The following ESCO1 variants were observed in gnomAD, a reference collection of about 807,000 sequenced individuals.
ESCO1 encodes the protein establishment of sister chromatid cohesion N-acetyltransferase 1.
A neutral mutation model predicts 83.5 loss-of-function variants in ESCO1; 33 were observed. The observed-to-expected ratio is 0.40, with a 90% CI of 0.30 to 0.53. The LOEUF (loss-of-function observed/expected upper bound fraction) is 0.53, where lower values mean the gene tolerates loss of function less well. Ranked by LOEUF, ESCO1 falls within the 20% of genes least tolerant of loss-of-function variation. The pLI is 0.63. For missense variants in ESCO1, 855 were observed against 968.0 expected, an observed-to-expected ratio of 0.88 and a Z score of 1.55; for synonymous variants, 332 against 324.3, an observed-to-expected ratio of 1.02 and a Z score of -0.25.
At chr18:21,580,832 A>G (rs538862180) in intron 2 of ESCO1, among the ~76,000 whole-genome samples, 29 of 152,132 alleles carry the variant, frequency 1.9e-4, no homozygotes, top group South Asian at 1.0e-3. Context: ...CTCTACTAAA[A>G]ATACAAAATT....
chr18:21,583,503 GTGT>G (rs1218290389), intron 2 of ESCO1, among the ~76,000 whole-genome samples: 1 of 151,792 alleles, frequency 6.6e-6, no homozygotes, highest in African/African-American at 2.4e-5. Flanking sequence ...AATTAGCCAG[GTGT>G]GGTGGCATGT....
In ESCO1 at chr18:21,556,986, C is replaced by T. The variant is rs183547055; in HGVS notation, c.1953+3873G>A. On this transcript the variant is annotated intron_variant, in intron 8 of 11. Transcript: ENST00000269214. ...AAGTGCTGGGATTACAGGCATGAGCCACTGACCGGTATTGTCGACTCTTTC... is the reference window on the plus strand; with the variant it reads ...AAGTGCTGGGATTACAGGCATGAGCTACTGACCGGTATTGTCGACTCTTTC... 3.9e-5 allele frequency among the ~76,000 whole-genome samples: 6 copies of T among 152,304 alleles called. No homozygotes were observed. The East Asian group carries it at 9.6e-4, about 24-fold the overall frequency.
At position 21,564,685 on chromosome 18, in the gene ESCO1, C is replaced by T. The variant is rs376441317; in HGVS notation, c.1707-368G>A. ...TGCTGGGATTACAGGCGTGAGCCAC[C>T]GCGCCCGGCAAAAATAACTTATTTT... On this transcript the variant is annotated intron_variant, in intron 6 of 11. Transcript: ENST00000269214. Among the ~76,000 whole-genome samples, 559 of 151,936 alleles carry T rather than the reference C, an allele frequency of 3.7e-3. 2 individuals carry two copies. Among genetic ancestry groups the T allele is most frequent in the Non-Finnish European group, 6.1e-3 (416 of 67,946 alleles).
chr18:21,590,017 C>T (rs867954981), intron 1 of ESCO1, among the ~76,000 whole-genome samples: 31 of 150,170 alleles, frequency 2.1e-4, no homozygotes, highest in African/African-American at 2.9e-4. Flanking sequence ...TTAGTAGAGA[C>T]GGGGTTTCAC....
chr18:21,548,892 C>T (rs982646529), intron 8 of ESCO1, among the ~76,000 whole-genome samples: 2 of 151,088 alleles, frequency 1.3e-5, no homozygotes, highest in African/African-American at 2.4e-5. Flanking sequence ...GTGAGCTCAT[C>T]GCACCACCGC....
Position 21,564,516 on chromosome 18 carries a change from G to A in ESCO1, c.1707-199C>T, listed in dbSNP as rs547409026. Among the ~76,000 whole-genome samples, 114 of 151,306 alleles carry A rather than the reference G, an allele frequency of 7.5e-4. 1 individual carries two copies. The highest frequency in any genetic ancestry group is 6.8e-3 in the Middle Eastern group (2 of 294). ...TGCCATTCTCCTGCCTCAGCCTCCT[G>A]AGTAGCTGGGACTACAGGTGCCAGC... On this transcript the variant is annotated intron_variant, in intron 6 of 11. Coordinates refer to ENST00000269214, the MANE Select transcript of ESCO1 (RefSeq NM_052911.3).
chr18:21,534,451 T>C (rs1261720002), intron 10 of ESCO1, among the ~76,000 whole-genome samples: 1 of 152,152 alleles, frequency 6.6e-6, no homozygotes, highest in Non-Finnish European at 1.5e-5. Context: ...AAAGTGAGCA[T>C]TATTAGGGAG....
intron 1 of ESCO1, among the ~76,000 whole-genome samples, chr18:21,592,368 G>A (rs1248112841): frequency 4.4e-5 from 2 of 45,976 alleles, no homozygotes; most frequent in Admixed American, 2.3e-4. Context: ...GCGGCTGGCC[G>A]GGCGGGGGAC....
chr18:21,575,667 C>T lies in ESCO1; in HGVS notation c.-588+5G>A. The T allele has an allele frequency of 2.5e-6, 1 of 398,350 alleles. No individual in the cohort carries two copies. The allele number at this position is 398,350 out of a possible 1,614,324, so 24.7% of individuals were successfully genotyped here. ...AAATCAGTGTATTCCTTGAGGTTTA[C>T]TTACAGTTTTTGCCCCAAAATATAG... On this transcript the variant is annotated splice_donor_5th_base_variant and intron_variant, in intron 3 of 11. Coordinates refer to ENST00000269214, the MANE Select transcript of ESCO1 (RefSeq NM_052911.3).
intron 6 of ESCO1, 141 bp downstream of exon 6, chr18:21,566,005 T>C (rs916459168): frequency 1.2e-5 from 8 of 677,060 alleles, no homozygotes; most frequent in African/African-American, 1.8e-5. Flanking sequence ...ACAGTATGTA[T>C]AGGCATAGAA....
At chr18:21,543,396 G>T (rs1405338750) in intron 8 of ESCO1, among the ~76,000 whole-genome samples, 6 of 152,156 alleles carry the variant, frequency 3.9e-5, no homozygotes, top group Non-Finnish European at 5.9e-5. Flanking sequence ...GACCTCAGGT[G>T]ATCCGCCAGC....
rs763500831 is a variant in ESCO1, at chr18:21,560,878, A to G, written c.1934T>C (p.Ile645Thr). 4.4e-6 allele frequency: 7 copies of G among 1,604,070 alleles called. No homozygotes were observed. Among genetic ancestry groups the G allele is most frequent in the Non-Finnish European group, 5.9e-6 (7 of 1,176,852 alleles). Residue 645 changes from isoleucine to threonine, a missense_variant, in exon 8 of 12, where the codon ATA (isoleucine) becomes ACA (threonine). Physicochemically the swap from Ile to Thr is moderately conservative, Grantham distance 89. This residue lies in a region of ESCO1 where 129 missense variants were observed against 268.5 expected (regional missense o/e 0.48). Coordinates refer to ENST00000269214, the MANE Select transcript of ESCO1 (RefSeq NM_052911.3). ...ACTTACCACATATTTAACAGCACTT[A>G]TAAACTGGTTGTGGAAAAGCAGATG... Reference protein sequence around the residue: ...TQHLLFHNQFISAVKYVGWKK... With the variant: ...TQHLLFHNQFTSAVKYVGWKK...
intron 4 of ESCO1, among the ~76,000 whole-genome samples, chr18:21,570,820 A>G (rs949515070): frequency 1.3e-5 from 2 of 152,090 alleles, no homozygotes; most frequent in African/African-American, 4.8e-5. Context: ...TACTAAAAAC[A>G]CAAAAAATTA....
chr18:21,573,366 T>C lies in ESCO1; in HGVS notation c.1478A>G (p.Asp493Gly). 1 of 1,598,314 alleles carries C rather than the reference T, an allele frequency of 6.3e-7. No individual in the cohort carries two copies. Among genetic ancestry groups the C allele is most frequent in the Middle Eastern group, 1.7e-4 (1 of 5,940 alleles). ...TTTCATCTGATTATCCAATGGTGGG[T>C]CAGAAGGTTTTATCTCATTGGCCAA... ...CHLANEIKPS[D>G]PPLDNQMKHS... Residue 493 changes from aspartate to glycine, a missense_variant, in exon 4 of 12, where the codon GAC (aspartate) becomes GGC (glycine). By Grantham distance (94) the Asp-to-Gly change is moderately conservative. This residue lies in a region of ESCO1 where 726 missense variants were observed against 699.5 expected (regional missense o/e 1.04). Transcript: ENST00000269214.
intron 8 of ESCO1, among the ~76,000 whole-genome samples, chr18:21,551,496 T>C (rs936455741): frequency 9.2e-5 from 14 of 152,152 alleles, no homozygotes; most frequent in Non-Finnish European, 2.9e-5. Flanking sequence ...AACCAGCCCT[T>C]CCTAAGTGAG....
chr18:21,583,511 G>A (rs1376751068), intron 2 of ESCO1, among the ~76,000 whole-genome samples: 1 of 151,918 alleles, frequency 6.6e-6, no homozygotes, highest in African/African-American at 2.4e-5. Context: ...AGGTGTGGTG[G>A]CATGTGCCTG....
intron 7 of ESCO1, among the ~76,000 whole-genome samples, chr18:21,561,946 T>G (rs1326770709): frequency 6.6e-6 from 1 of 151,628 alleles, no homozygotes; most frequent in Non-Finnish European, 1.5e-5. Flanking sequence ...TGGCGCCATC[T>G]TGGCTCACTG....
intron 6 of ESCO1, among the ~76,000 whole-genome samples, chr18:21,565,565 T>G (rs1244465881): frequency 2.0e-5 from 3 of 152,138 alleles, no homozygotes; most frequent in African/African-American, 7.2e-5. Context: ...GAACCAGAAA[T>G]ATCCAAAATG....
chr18:21,564,547 C>T (rs918165301), intron 6 of ESCO1, among the ~76,000 whole-genome samples: 1 of 82,730 alleles, frequency 1.2e-5, no homozygotes, highest in Non-Finnish European at 2.4e-5. Flanking sequence ...CCAGCCACCA[C>T]GCCCAGCTAA....
Sources: gnomAD v4.1 joint callset for allele counts (sites outside exome capture counted in the v4.1 genomes callset) on GRCh38, gnomAD v4.1.1 for gene constraint, gnomAD v4.1.1 regional missense constraint, MANE v1.5 for transcripts, NCBI Gene and HGNC (gene_info 2026-07-23, HGNC 2026-07-21) for gene names.